The following EML1 variants were observed in gnomAD, a reference collection of about 807,000 sequenced individuals.
EML1 encodes the protein EMAP like 1.
Under a neutral mutation model 110.4 loss-of-function variants are expected in EML1, and 27 were observed. The observed-to-expected ratio is 0.24, with a 90% CI of 0.18 to 0.34. The LOEUF (loss-of-function observed/expected upper bound fraction) is 0.34. EML1 is among the 10% of genes least tolerant of loss of function. EML1 has a pLI of 1.00. For missense variants in EML1, 741 were observed against 1,030.9 expected (o/e 0.72, Z 3.85); for synonymous variants, 344 against 385.8 (o/e 0.89, Z 1.27).
At chr14:99,832,640 T>C (rs1312654005) in intron 1 of EML1, among the ~76,000 whole-genome samples, 3 of 152,242 alleles carry the variant, frequency 2.0e-5, no homozygotes, top group Non-Finnish European at 4.4e-5. Context: ...CCTTTTGATA[T>C]GCTTATTTGC....
intron 1 of EML1, among the ~76,000 whole-genome samples, chr14:99,839,573 C>T (rs1330919027): frequency 6.6e-6 from 1 of 152,168 alleles, no homozygotes; most frequent in Non-Finnish European, 1.5e-5. Flanking sequence ...TCTCCATCAC[C>T]ACCATTATCC....
intron 17 of EML1, among the ~76,000 whole-genome samples, chr14:99,927,176 T>G (rs889279075): frequency 1.3e-5 from 2 of 152,236 alleles, no homozygotes; most frequent in African/African-American, 4.8e-5. Flanking sequence ...TTTAACAATT[T>G]GTTTAAACCA....
chr14:99,767,326 G>T (rs571662189), intron 1 of EML1, among the ~76,000 whole-genome samples: 1 of 152,198 alleles, frequency 6.6e-6, no homozygotes, highest in South Asian at 2.1e-4. Context: ...GGCATTGGCC[G>T]GGCACGGTGG....
chr14:99,785,538 A>C (rs185626730), intron 1 of EML1, among the ~76,000 whole-genome samples: 2,132 of 152,278 alleles, frequency 0.014, 27 homozygotes, highest in Non-Finnish European at 0.023. Context: ...GTCGCAGAAA[A>C]CTGGGAAGGG....
Position 99,845,762 on chromosome 14 carries a change from A to G in EML1, c.68-5091A>G, listed in dbSNP as rs182119844. On this transcript the variant is annotated intron_variant, in intron 1 of 21. Transcript: ENST00000262233. ...ATTATCTGTTACTTAGAAAATTGACAGAGCCTGGCTGGGCGCTGAGGCTCA... is the reference window on the plus strand; with the variant it reads ...ATTATCTGTTACTTAGAAAATTGACGGAGCCTGGCTGGGCGCTGAGGCTCA... Among the ~76,000 whole-genome samples, 14 of 152,364 alleles carry G rather than the reference A, an allele frequency of 9.2e-5. No individual in the cohort carries two copies. In the East Asian group the frequency reaches 2.7e-3, roughly 29 times the overall value.
chr14:99,808,365 G>A lies in EML1; in HGVS notation c.67+14822G>A, dbSNP rs115617865. 5.2e-3 allele frequency among the ~76,000 whole-genome samples: 789 copies of A among 152,266 alleles called. 5 individuals carry two copies. The highest frequency in any genetic ancestry group is 0.018 in the African/African-American group (759 of 41,546). On this transcript the variant is annotated intron_variant, in intron 1 of 21. Transcript: ENST00000262233. The stretch of plus-strand genomic sequence containing the variant: ...GTGTTATCTTTAAATTATTATAAGA[G>A]ACAAGGAGAGAACTTCTGGATCCTG...
intron 1 of EML1, among the ~76,000 whole-genome samples, chr14:99,813,163 C>G (rs888827081): frequency 6.6e-6 from 1 of 152,036 alleles, no homozygotes; most frequent in African/African-American, 2.4e-5. Context: ...CAGTTTTGTA[C>G]GCTTTGAAAT....
chr14:99,780,076 C>T (rs2057523187), intron 1 of EML1, among the ~76,000 whole-genome samples: 1 of 152,212 alleles, frequency 6.6e-6, no homozygotes, highest in South Asian at 2.1e-4. Flanking sequence ...CACCTTCTTG[C>T]TGTGTCCTCA....
intron 1 of EML1, among the ~76,000 whole-genome samples, chr14:99,741,302 C>G (rs1367969618): frequency 6.6e-6 from 1 of 152,122 alleles, no homozygotes; most frequent in African/African-American, 2.4e-5. Context: ...GCCACAGTCA[C>G]CCTGTTCGTG....
At chr14:99,764,209 G>C (rs886748213) in intron 1 of EML1, among the ~76,000 whole-genome samples, 3 of 152,200 alleles carry the variant, frequency 2.0e-5, no homozygotes, top group African/African-American at 7.2e-5. Flanking sequence ...CTCCAGAGCT[G>C]TTCTCCTCCT....
intron 2 of EML1, among the ~76,000 whole-genome samples, chr14:99,862,289 A>G (rs1233127509): frequency 6.6e-6 from 1 of 152,230 alleles, no homozygotes; most frequent in Non-Finnish European, 1.5e-5. Flanking sequence ...AACATGGCTC[A>G]TCACTGTGGT....
At chr14:99,918,092 G>A (rs957382430) in intron 16 of EML1, among the ~76,000 whole-genome samples, 30 of 152,080 alleles carry the variant, frequency 2.0e-4, no homozygotes, top group African/African-American at 6.8e-4. Flanking sequence ...ACCTCCACTA[G>A]ACACACACAC....
chr14:99,816,027 C>A (rs2058161576), intron 1 of EML1, among the ~76,000 whole-genome samples: 1 of 152,190 alleles, frequency 6.6e-6, no homozygotes, highest in Admixed American at 6.5e-5. Context: ...ACTTTCTAGT[C>A]ACTGGCTTTC....
chr14:99,812,562 G>A (rs2058100159), intron 1 of EML1, among the ~76,000 whole-genome samples: 1 of 150,808 alleles, frequency 6.6e-6, no homozygotes, highest in Non-Finnish European at 1.5e-5. Context: ...ATTGTCCCAC[G>A]GCCCTCCCTG....
intron 1 of EML1, among the ~76,000 whole-genome samples, chr14:99,817,817 A>G (rs1231955617): frequency 2.0e-5 from 3 of 152,198 alleles, no homozygotes; most frequent in African/African-American, 4.8e-5. Context: ...AGATGCTTGC[A>G]AAACCTTCTC....
At chr14:99,935,216 G>A (rs919620352) in intron 17 of EML1, among the ~76,000 whole-genome samples, 3 of 152,026 alleles carry the variant, frequency 2.0e-5, no homozygotes, top group African/African-American at 7.2e-5. Flanking sequence ...GCTCACTCCT[G>A]TAATCCCAGC....
intron 1 of EML1, among the ~76,000 whole-genome samples, chr14:99,787,791 TC>T (rs142326055): frequency 0.098 from 14,889 of 152,122 alleles, 1,080 homozygotes; most frequent in African/African-American, 0.21. Context: ...CACTTTATCT[TC>T]CCTCTGTGTG....
intron 1 of EML1, chr14:99,838,906 T>TGTGCGCGC (rs2058582902): frequency 7.0e-6 from 1 of 143,476 alleles, no homozygotes; most frequent in African/African-American, 2.6e-5. Context: ...GGTTGGGGAG[T>TGTGCGCGC]GCGCGCGCGC....
At chr14:99,771,484 A>G (rs1037109473), upstream of EML1, among the ~76,000 whole-genome samples, 2 of 152,226 alleles carry the variant, frequency 1.3e-5, no homozygotes, top group Non-Finnish European at 2.9e-5. Flanking sequence ...GCTGAGAGAC[A>G]TGTGGATTGT....
Sources: allele counts gnomAD v4.1 joint callset (sites outside exome capture counted in the v4.1 genomes callset), GRCh38; gene constraint gnomAD v4.1.1; transcripts MANE v1.5; gene names NCBI Gene and HGNC (gene_info 2026-07-23, HGNC 2026-07-21).